The following FBN3 variants were observed in gnomAD, a reference collection of about 807,000 sequenced individuals.
FBN3 encodes fibrillin 3, also known as fibrillin-3.
In FBN3, 234 loss-of-function variants were observed where a neutral mutation model predicts 330.1. That is an observed-to-expected ratio of 0.71 (90% confidence interval 0.64 to 0.79). FBN3 has a LOEUF of 0.79. FBN3 is among the 30% of genes least tolerant of loss of function. FBN3 has a pLI of 0.00. For missense variants in FBN3, 3,606 were observed against 3,886.9 expected (o/e 0.93, Z 1.92); for synonymous variants, 1,458 against 1,517.3 (o/e 0.96, Z 0.91).
intron 38 of FBN3, among the ~76,000 whole-genome samples, chr19:8,105,108 C>T (rs1040188518): frequency 6.6e-5 from 10 of 151,890 alleles, no homozygotes; most frequent in Non-Finnish European, 1.2e-4. Context: ...GCATGTGTCA[C>T]TATGCCCGGC....
intron 39 of FBN3, among the ~76,000 whole-genome samples, 187 bp from the exon 40 acceptor site, chr19:8,103,060 A>G (rs537488761): frequency 6.6e-6 from 1 of 152,126 alleles, no homozygotes; most frequent in Middle Eastern, 3.4e-3. Flanking sequence ...TGAGGTCAGG[A>G]GTTTGAGACC....
rs1393581735 is a variant in FBN3, at chr19:8,145,906, C to T, written c.382G>A (p.Gly128Ser). Residue 128 changes from glycine to serine, a missense_variant, in exon 5 of 64, where the codon GGC becomes AGC. Transcript: ENST00000600128. ...SGCSVSCMNG[G>S]TCRGASCLCQ... is the part of the protein sequence containing the mutation. ...AGACAGGACGCCCCCCGGCAGGTGC[C>T]CCCATTCATACAGCTCACACTGCAC... is the stretch of plus-strand genomic sequence containing the variant. 6.4e-7 allele frequency: 1 copy of T among 1,551,302 alleles called. No individual in the cohort carries two copies. Among genetic ancestry groups the T allele is most frequent in the East Asian group, 2.4e-5 (1 of 40,920 alleles).
intron 37 of FBN3, among the ~76,000 whole-genome samples, chr19:8,107,683 G>C (rs2082477059): frequency 6.6e-6 from 1 of 151,674 alleles, no homozygotes; most frequent in Admixed American, 6.6e-5. Context: ...ATGAGTGGAG[G>C]ATGGATGAAT....
chr19:8,141,455 A>ACTCAGGCAGTGAACC (rs2083413811), intron 8 of FBN3, among the ~76,000 whole-genome samples: 1 of 151,548 alleles, frequency 6.6e-6, no homozygotes, highest in Non-Finnish European at 1.5e-5. Context: ...CCCTCGGTTC[A>ACTCAGGCAGTGAACC]CTCAGGCAGT....
At chr19:8,135,936 G>GGGGGGGGGCGGCCCCCCCC in intron 13 of FBN3, 25 bp downstream of exon 13, 1 of 668,778 alleles carries the variant, frequency 1.5e-6, no homozygotes, top group Non-Finnish European at 2.4e-6. Flanking sequence ...GGAAGCCCCT[G>GGGGGGGGGCGGCCCCCCCC]CCCACCCGCC....
At chr19:8,135,936 G>GGGGGGGGGGGCC in intron 13 of FBN3, 25 bp downstream of exon 13, 4 of 668,770 alleles carry the variant, frequency 6.0e-6, no homozygotes, top group South Asian at 1.6e-5. Context: ...GGAAGCCCCT[G>GGGGGGGGGGGCC]CCCACCCGCC....
At chr19:8,095,602 T>A in intron 45 of FBN3, 99 bp from the exon 46 acceptor site, 1 of 1,337,414 alleles carries the variant, frequency 7.5e-7, no homozygotes, top group African/African-American at 1.4e-5. Context: ...CTGACAGCAT[T>A]GGCTTCAACT....
At chr19:8,104,081 C>T (rs111484551) in intron 38 of FBN3, among the ~76,000 whole-genome samples, 1,725 of 150,302 alleles carry the variant, frequency 0.011, 35 homozygotes, top group African/African-American at 0.039. Flanking sequence ...GCCGTGATCA[C>T]GCCTCTGCAC....
intron 37 of FBN3, 97 bp from the exon 38 acceptor site, chr19:8,106,330 G>A (rs752044578): frequency 1.7e-5 from 23 of 1,327,080 alleles, no homozygotes; most frequent in East Asian, 4.7e-5. Context: ...GGGCCCTCTC[G>A]AGGATCCCCA....
At chr19:8,126,258 C>A in intron 21 of FBN3, 39 bp downstream of exon 21, 1 of 1,573,614 alleles carries the variant, frequency 6.4e-7, no homozygotes, top group South Asian at 1.2e-5. Context: ...TGTGCGGGCT[C>A]TGGAGTAGGG....
chr19:8,112,837 T>A (rs1032654483), intron 30 of FBN3, among the ~76,000 whole-genome samples: 4 of 152,168 alleles, frequency 2.6e-5, no homozygotes, highest in African/African-American at 9.7e-5. Flanking sequence ...ACACTTCTGT[T>A]TTCCCTGACA....
intron 51 of FBN3, among the ~76,000 whole-genome samples, chr19:8,089,155 G>C (rs541851600): frequency 6.6e-6 from 1 of 152,322 alleles, no homozygotes; most frequent in South Asian, 2.1e-4. Context: ...ATAAGTGAAT[G>C]AATGAACAAG....
intron 61 of FBN3, 106 bp downstream of exon 61, chr19:8,074,965 G>C: frequency 3.4e-6 from 5 of 1,449,514 alleles, no homozygotes; most frequent in Non-Finnish European, 3.7e-6. Context: ...TCAATCTTTA[G>C]ATAATTGTGC....
At chr19:8,083,158 G>C (rs17160147) in intron 57 of FBN3, 89 bp downstream of exon 57, 473,948 of 1,498,682 alleles carry the variant, frequency 0.32, 77,500 homozygotes, top group Admixed American at 0.45. Flanking sequence ...ACATTGCAAA[G>C]TGGAAAGTCT....
intron 55 of FBN3, among the ~76,000 whole-genome samples, 144 bp downstream of exon 55, chr19:8,086,040 GACAGGCAGTGGGGGGA>G (rs1217910161): frequency 7.3e-5 from 10 of 137,442 alleles, no homozygotes; most frequent in South Asian, 4.6e-4. Flanking sequence ...CAGTGGGAGG[GACAGGCAGTGGGGGGA>G]ACAGGCAGTG....
In FBN3 at chr19:8,129,068, G is replaced by T; in HGVS notation, c.2256C>A (p.Pro752=). 1.9e-6 allele frequency: 3 copies of T among 1,613,492 alleles called. No individual in the cohort carries two copies. The highest frequency in any genetic ancestry group is 2.5e-6 in the Non-Finnish European group (3 of 1,179,996). Residue 752 remains proline (P), a synonymous_variant, in exon 18 of 64, where the codon CCC becomes CCA. Coordinates refer to ENST00000600128, the MANE Select transcript of FBN3 (RefSeq NM_032447.5). The surrounding 1 kb of genome is among the most constrained non-coding windows in gnomAD (Gnocchi z 4.5). ...NSPGSYSCSC[P]PGFHFWQDTE... Reference sequence around the variant, plus strand: ...TGTCCTGCCAGAAGTGGAAGCCGGGGGGGCAGGAGCAGCTGTAGCTGCCAG... The same window carrying T: ...TGTCCTGCCAGAAGTGGAAGCCGGGTGGGCAGGAGCAGCTGTAGCTGCCAG...
At chr19:8,090,595 T>G (rs1248170531) in intron 48 of FBN3, among the ~76,000 whole-genome samples, 1 of 151,196 alleles carries the variant, frequency 6.6e-6, no homozygotes, top group Non-Finnish European at 1.5e-5. Context: ...GTGATTCTCC[T>G]GCCTCAGCCT....
chr19:8,117,171 G>A lies in FBN3; in HGVS notation c.3584C>T (p.Ala1195Val). 6.2e-7 allele frequency: 1 copy of A among 1,614,020 alleles called. No individual in the cohort carries two copies. Among genetic ancestry groups the A allele is most frequent in the Non-Finnish European group, 8.5e-7 (1 of 1,179,972 alleles). ...YSLMPDGRAC[A>V]DVDECEENPR... ...GGGAAGAAGTTGTGCCCACCTACCT[G>A]CACATGCCCTTCCGTCGGGCATCAG... Residue 1195 changes from alanine (A) to valine (V), a missense_variant and splice_region_variant, in exon 28 of 64, where the codon GCA becomes GTA. Ala to Val is a moderately conservative substitution (Grantham distance 64, BLOSUM62 0). Coordinates refer to ENST00000600128, the MANE Select transcript of FBN3 (RefSeq NM_032447.5).
At chr19:8,138,803 T>C (rs1156511955) in intron 8 of FBN3, among the ~76,000 whole-genome samples, 1 of 152,080 alleles carries the variant, frequency 6.6e-6, no homozygotes, top group Admixed American at 6.6e-5. Flanking sequence ...TCCCAGCACT[T>C]TGGGAGGCTG....
Sources: gnomAD v4.1 joint callset for allele counts (sites outside exome capture counted in the v4.1 genomes callset) on GRCh38, gnomAD v4.1.1 for gene constraint, Gnocchi (gnomAD v3.1) non-coding constraint, MANE v1.5 for transcripts, NCBI Gene and HGNC (gene_info 2026-07-23, HGNC 2026-07-21) for gene names.